Variants in GRXCR1 observed in about 807,000 individuals in gnomAD.
GRXCR1 encodes the protein glutaredoxin domain-containing cysteine-rich protein 1.
In GRXCR1, 27 loss-of-function variants were observed where a neutral mutation model predicts 27.3. The observed-to-expected ratio is 0.99, with a 90% CI of 0.73 to 1.37. The LOEUF (loss-of-function observed/expected upper bound fraction) is 1.37, where lower values mean the gene tolerates loss of function less well. Ranked by LOEUF, GRXCR1 falls within the 40% of genes most tolerant of loss-of-function variation. The pLI is 0.00. For missense variants in GRXCR1, 379 were observed against 354.4 expected (o/e 1.07, Z -0.56); for synonymous variants, 122 against 131.1 (o/e 0.93, Z 0.47).
Position 42,893,176 on chromosome 4 carries a change from A to G in GRXCR1, c.-91A>G. 2.1e-6 allele frequency: 3 copies of G among 1,405,714 alleles called. No homozygotes were observed. Among genetic ancestry groups the G allele is most frequent in the Non-Finnish European group, 3.0e-6 (3 of 992,428 alleles). The allele number at this position is 1,405,714 out of a possible 1,614,324, so 87.1% of individuals were successfully genotyped here. On this transcript the variant is annotated 5_prime_UTR_variant, in exon 1 of 4. Transcript: ENST00000399770. Reference sequence around the variant, plus strand: ...TCACAGGAGTGCTGCCATCACTAGAATTGGCTCTGATATTGCTATCTGGCA... The same window carrying G: ...TCACAGGAGTGCTGCCATCACTAGAGTTGGCTCTGATATTGCTATCTGGCA...
chr4:43,007,073 A>G (rs1712583706), intron 2 of GRXCR1, among the ~76,000 whole-genome samples: 2 of 152,214 alleles, frequency 1.3e-5, no homozygotes, highest in African/African-American at 4.8e-5. Flanking sequence ...TTACAGATTG[A>G]AAACTGAAAT....
At chr4:42,932,577 CATATATATATATATATATATATAT>C (rs3072802) in intron 1 of GRXCR1, among the ~76,000 whole-genome samples, 1 of 28,680 alleles carries the variant, frequency 3.5e-5, no homozygotes, top group Admixed American at 5.9e-4. Context: ...AACTCCCTTC[CATATATATATATATATATATATAT>C]ATATATATAT....
chr4:43,020,245 G>T, intron 2 of GRXCR1, 109 bp from the exon 3 acceptor site: 1 of 755,098 alleles, frequency 1.3e-6, no homozygotes, highest in African/African-American at 1.7e-5. Flanking sequence ...CAGCTCCAAA[G>T]GGAAGAACTG....
intron 1 of GRXCR1, among the ~76,000 whole-genome samples, chr4:42,897,508 C>T (rs1376520933): frequency 2.0e-5 from 3 of 151,912 alleles, no homozygotes; most frequent in Non-Finnish European, 4.4e-5. Flanking sequence ...ATATAACCTC[C>T]GTCTATGTAT....
intron 1 of GRXCR1, among the ~76,000 whole-genome samples, chr4:42,902,165 A>G (rs1746475760): frequency 6.6e-6 from 1 of 152,168 alleles, no homozygotes; most frequent in East Asian, 1.9e-4. Context: ...TTGTCAGTAT[A>G]GAATAACACC....
intron 1 of GRXCR1, among the ~76,000 whole-genome samples, chr4:42,916,416 A>G (rs1438431970): frequency 1.3e-5 from 2 of 152,222 alleles, no homozygotes; most frequent in Non-Finnish European, 2.9e-5. Flanking sequence ...AATGTTAAGC[A>G]AATGAATATC....
At chr4:42,997,513 C>G (rs1188479789) in intron 2 of GRXCR1, among the ~76,000 whole-genome samples, 1 of 152,222 alleles carries the variant, frequency 6.6e-6, no homozygotes, top group Non-Finnish European at 1.5e-5. Flanking sequence ...ACTGGAGAGA[C>G]TGCTCCTCCA....
chr4:42,939,115 T>A (rs1747535665), intron 1 of GRXCR1, among the ~76,000 whole-genome samples: 1 of 152,102 alleles, frequency 6.6e-6, no homozygotes, highest in African/African-American at 2.4e-5. Context: ...TTAACAATGT[T>A]GATTCTTCCA....
At chr4:43,020,469 A>T (rs746209265) in intron 3 of GRXCR1, 50 bp downstream of exon 3, 1 of 1,119,530 alleles carries the variant, frequency 8.9e-7, no homozygotes. Context: ...TATTAAACAC[A>T]TTCTGATTAT....
chr4:42,912,441 C>T (rs1169257528), intron 1 of GRXCR1, among the ~76,000 whole-genome samples: 1 of 152,124 alleles, frequency 6.6e-6, no homozygotes, highest in Non-Finnish European at 1.5e-5. Flanking sequence ...AACTTGAACC[C>T]TTTATGGAAG....
chr4:42,975,445 A>G (rs961859378), intron 2 of GRXCR1, among the ~76,000 whole-genome samples: 3 of 152,114 alleles, frequency 2.0e-5, no homozygotes, highest in Admixed American at 6.6e-5. Flanking sequence ...CTGAGACTTA[A>G]CAGCCCAATG....
rs569411305 is a variant in GRXCR1, at chr4:43,019,790, A to T, written c.628-564A>T. 3.9e-5 allele frequency among the ~76,000 whole-genome samples: 6 copies of T among 152,230 alleles called. No homozygotes were observed. The South Asian group carries it at 1.3e-3, about 32-fold the overall frequency. ...GGCCTTGGAATTGTTATTTAATCTCACTGAGGCTCAATATCTGCAAATAAT... is the reference window on the plus strand; with the variant it reads ...GGCCTTGGAATTGTTATTTAATCTCTCTGAGGCTCAATATCTGCAAATAAT... On this transcript the variant is annotated intron_variant, in intron 2 of 3. Coordinates refer to ENST00000399770, the MANE Select transcript of GRXCR1 (RefSeq NM_001080476.3).
chr4:42,967,428 T>C (rs989717583), intron 2 of GRXCR1, among the ~76,000 whole-genome samples: 1 of 152,110 alleles, frequency 6.6e-6, no homozygotes, highest in Admixed American at 6.6e-5. Context: ...ATTTATCTAT[T>C]CTTTTACTAA....
At chr4:43,021,139 T>C (rs1560690866) in intron 3 of GRXCR1, among the ~76,000 whole-genome samples, 1 of 152,196 alleles carries the variant, frequency 6.6e-6, no homozygotes, top group Non-Finnish European at 1.5e-5. Flanking sequence ...ATTATTGCTC[T>C]AGTCTTTGCT....
At chr4:42,953,922 A>G (rs1315022880) in intron 1 of GRXCR1, among the ~76,000 whole-genome samples, 1 of 152,086 alleles carries the variant, frequency 6.6e-6, no homozygotes, top group East Asian at 1.9e-4. Flanking sequence ...AATAGGCACT[A>G]GTGTCTATAT....
chr4:43,007,923 G>T (rs1268191571), intron 2 of GRXCR1, among the ~76,000 whole-genome samples: 1 of 151,960 alleles, frequency 6.6e-6, no homozygotes, highest in Admixed American at 6.6e-5. Flanking sequence ...AAAGCGTTTT[G>T]CCCATTTTGT....
At chr4:42,927,442 A>AT (rs1747185732) in intron 1 of GRXCR1, among the ~76,000 whole-genome samples, 1 of 152,040 alleles carries the variant, frequency 6.6e-6, no homozygotes, top group African/African-American at 2.4e-5. Flanking sequence ...ATCTGACAGT[A>AT]TGTAACCTAG....
chr4:42,983,670 G>A (rs1429676010), intron 2 of GRXCR1, among the ~76,000 whole-genome samples: 1 of 151,954 alleles, frequency 6.6e-6, no homozygotes, highest in Non-Finnish European at 1.5e-5. Flanking sequence ...TCACGATATT[G>A]ATTCTTCTCT....
chr4:42,912,892 CT>C (rs1026863805), intron 1 of GRXCR1, among the ~76,000 whole-genome samples: 52 of 152,188 alleles, frequency 3.4e-4, no homozygotes, highest in African/African-American at 1.1e-3. Flanking sequence ...GCAGTTTCCC[CT>C]CTAGTGTCTC....
Sources: gnomAD v4.1 joint callset for allele counts (sites outside exome capture counted in the v4.1 genomes callset) on GRCh38, gnomAD v4.1.1 for gene constraint, MANE v1.5 for transcripts, NCBI Gene and HGNC (gene_info 2026-07-23, HGNC 2026-07-21) for gene names.